PRKN: variants seen among roughly 807,000 people sequenced by gnomAD.
PRKN encodes the protein parkin RBR E3 ubiquitin protein ligase, also known as E3 ubiquitin-protein ligase parkin.
In PRKN, 56 loss-of-function variants were observed where a neutral mutation model predicts 59.5. The observed-to-expected ratio is 0.94, with a 90% confidence interval of 0.76 to 1.18. The LOEUF is 1.18. Ranked by LOEUF, PRKN falls within the 50% of genes most tolerant of loss-of-function variation. The probability of loss-of-function intolerance (pLI) is 0.00; values close to 1 mark genes in which losing one functional copy is unlikely to be tolerated. For synonymous variants in PRKN, 250 were observed against 222.1 expected, an observed-to-expected ratio of 1.13 and a Z score of -1.12; for missense variants, 657 against 596.4, an observed-to-expected ratio of 1.10 and a Z score of -1.06.
At chr6:162,577,674 A>C (rs2128210386) in intron 1 of PRKN, among the ~76,000 whole-genome samples, 1 of 152,270 alleles carries the variant, frequency 6.6e-6, no homozygotes, top group South Asian at 2.1e-4. Context: ...CTCACCTATA[A>C]TCCCAGCACT....
At chr6:161,643,872 C>G (rs1484552106) in intron 7 of PRKN, among the ~76,000 whole-genome samples, 2 of 152,122 alleles carry the variant, frequency 1.3e-5, no homozygotes, top group African/African-American at 4.8e-5. Context: ...GCATAAAGTA[C>G]TTTCTCCAGT....
At chr6:162,584,735 T>C (rs1195827795) in intron 1 of PRKN, among the ~76,000 whole-genome samples, 1 of 150,800 alleles carries the variant, frequency 6.6e-6, no homozygotes, top group Non-Finnish European at 1.5e-5. Flanking sequence ...ATTCAACAAA[T>C]ACCTTTCTGG....
rs1782800099 is a variant in PRKN, at chr6:162,624,348, C to T, written c.7+103314G>A. The T allele has an allele frequency of 3.3e-5, 5 of 151,726 alleles. No individual in the cohort carries two copies. In the South Asian group the frequency reaches 8.3e-4, roughly 25 times the overall value. 9.4% of individuals were successfully genotyped at this position (151,726 alleles called of 1,614,324 possible). The stretch of plus-strand genomic sequence containing the variant: ...TATTTAAAATTTACAAGTATAGATA[C>T]ATTTTTCATGAATATTTATTAAAAA... On this transcript the variant is annotated intron_variant, in intron 1 of 11. Coordinates refer to ENST00000366898, the MANE Select transcript of PRKN (RefSeq NM_004562.3).
At chr6:162,341,357 C>T (rs1308056958) in intron 2 of PRKN, among the ~76,000 whole-genome samples, 2 of 152,096 alleles carry the variant, frequency 1.3e-5, no homozygotes, top group African/African-American at 2.4e-5. Flanking sequence ...GGTGATTCCT[C>T]AAGGATCCAG....
chr6:162,019,641 G>A (rs1251047400), intron 5 of PRKN, among the ~76,000 whole-genome samples: 2 of 152,188 alleles, frequency 1.3e-5, no homozygotes, highest in Non-Finnish European at 2.9e-5. Context: ...AACACTTGGG[G>A]AGTCCTTGGT....
At chr6:162,465,786 C>T (rs997106940) in intron 1 of PRKN, among the ~76,000 whole-genome samples, 1 of 152,094 alleles carries the variant, frequency 6.6e-6, no homozygotes, top group Non-Finnish European at 1.5e-5. Context: ...TGGCTAAATT[C>T]TTTGATAGGT....
chr6:161,757,871 C>CTCTCTCTG lies in PRKN; in HGVS notation c.871+27900_871+27901insCAGAGAGA, dbSNP rs1380898753. On this transcript the variant is annotated intron_variant, in intron 7 of 11. Coordinates refer to ENST00000366898, the MANE Select transcript of PRKN (RefSeq NM_004562.3). ...TCTCTCTCTCTCTCTCTCTCTCTCTCTGTGTATATATATATACACACACAC... is the reference window on the plus strand; with the variant it reads ...TCTCTCTCTCTCTCTCTCTCTCTCTCTCTCTCTGTGTGTATATATATATACACACACAC... Among the ~76,000 whole-genome samples the CTCTCTCTG allele has an allele frequency of 2.6e-4, 25 of 97,966 alleles. 1 individual carries two copies. The highest frequency in any genetic ancestry group is 9.8e-4 in the African/African-American group (22 of 22,342). The allele number at this position is 97,966 out of a possible 152,430, so 64.3% of individuals were successfully genotyped here. A position where few individuals can be genotyped will look rare whatever the true frequency, so the allele number is the denominator to read the frequency against.
chr6:162,103,714 T>C (rs115163505), intron 4 of PRKN, among the ~76,000 whole-genome samples: 4,151 of 151,968 alleles, frequency 0.027, 199 homozygotes, highest in African/African-American at 0.096. Context: ...GCCAGGGCAG[T>C]GGGCCTTCTG....
At chr6:161,574,116 G>A (rs952320966) in intron 7 of PRKN, among the ~76,000 whole-genome samples, 2 of 151,906 alleles carry the variant, frequency 1.3e-5, no homozygotes, top group South Asian at 2.1e-4. Context: ...GCTGGAAGGC[G>A]GCAAGATATT....
intron 2 of PRKN, among the ~76,000 whole-genome samples, chr6:162,440,851 T>C (rs1420949300): frequency 6.6e-6 from 1 of 152,020 alleles, no homozygotes; most frequent in Non-Finnish European, 1.5e-5. Flanking sequence ...CTAAATGATA[T>C]TGACTAAATA....
At chr6:161,660,177 C>A (rs370595526) in intron 7 of PRKN, among the ~76,000 whole-genome samples, 1 of 152,088 alleles carries the variant, frequency 6.6e-6, no homozygotes, top group East Asian at 1.9e-4. Flanking sequence ...CGGATGGAGG[C>A]CATGGCTCTG....
chr6:161,361,969 C>A lies in PRKN; in HGVS notation c.1168-1764G>T, dbSNP rs1293690192. Among the ~76,000 whole-genome samples the A allele has an allele frequency of 1.3e-5, 2 of 152,024 alleles. No individual in the cohort carries two copies. Among genetic ancestry groups the A allele is most frequent in the Admixed American group, 1.3e-4 (2 of 15,256 alleles). Reference sequence around the variant, plus strand: ...TCAGTGACACGTGGCAAACACCCATCCCCCCACCGACCTGCACCCCAACGC... The same window carrying A: ...TCAGTGACACGTGGCAAACACCCATACCCCCACCGACCTGCACCCCAACGC... On this transcript the variant is annotated intron_variant, in intron 10 of 11. Coordinates refer to ENST00000366898, the MANE Select transcript of PRKN (RefSeq NM_004562.3). This position sits in a 1 kb window ranked among gnomAD's most constrained non-coding sequence, Gnocchi z 5.2.
At chr6:162,142,071 A>C (rs1267998256) in intron 4 of PRKN, among the ~76,000 whole-genome samples, 1 of 152,236 alleles carries the variant, frequency 6.6e-6, no homozygotes, top group African/African-American at 2.4e-5. Context: ...TAAGCTGCTT[A>C]AAAGATTTTA....
At chr6:162,232,762 C>A (rs1367802349) in intron 3 of PRKN, among the ~76,000 whole-genome samples, 1 of 152,084 alleles carries the variant, frequency 6.6e-6, no homozygotes, top group East Asian at 1.9e-4. Context: ...GAAAAAAAAT[C>A]CCGCCAAGAC....
rs1201273871 is a variant in PRKN, at chr6:161,579,142, G to A, written c.872-9726C>T. 6.6e-6 allele frequency among the ~76,000 whole-genome samples: 1 copy of A among 152,232 alleles called. No homozygotes were observed. Among genetic ancestry groups the A allele is most frequent in the African/African-American group, 2.4e-5 (1 of 41,468 alleles). ...TGGTTGACATCAGAGAAAGGAAAGG[G>A]AGGAAGTGAAGGAGATGGAATTTTG... is the stretch of plus-strand genomic sequence containing the variant. On this transcript the variant is annotated intron_variant, in intron 7 of 11. Transcript: ENST00000366898. The surrounding 1 kb of genome is among the most constrained non-coding windows in gnomAD (Gnocchi z 4.2).
At chr6:162,622,701 T>C (rs1782725321) in intron 1 of PRKN, among the ~76,000 whole-genome samples, 1 of 152,194 alleles carries the variant, frequency 6.6e-6, no homozygotes, top group Non-Finnish European at 1.5e-5. Context: ...ATTCATATTG[T>C]TTCATCTGCA....
intron 7 of PRKN, among the ~76,000 whole-genome samples, chr6:161,625,373 T>C (rs933964862): frequency 8.2e-6 from 1 of 122,566 alleles, no homozygotes; most frequent in Non-Finnish European, 1.6e-5. Context: ...TGAGAACATA[T>C]GGACAGAGGA....
intron 4 of PRKN, among the ~76,000 whole-genome samples, chr6:162,084,985 A>C (rs1779195462): frequency 6.6e-6 from 1 of 151,750 alleles, no homozygotes; most frequent in Non-Finnish European, 1.5e-5. Flanking sequence ...AAAAGGTTAA[A>C]GTGACATGTT....
At chr6:162,202,917 C>G (rs1326164246) in intron 3 of PRKN, among the ~76,000 whole-genome samples, 1 of 152,042 alleles carries the variant, frequency 6.6e-6, no homozygotes, top group African/African-American at 2.4e-5. Context: ...TTATCAGCAA[C>G]AGGAACAAAT....
Sources: gnomAD v4.1 joint callset for allele counts (sites outside exome capture counted in the v4.1 genomes callset) on GRCh38, gnomAD v4.1.1 for gene constraint, Gnocchi (gnomAD v3.1) non-coding constraint, MANE v1.5 for transcripts, NCBI Gene and HGNC (gene_info 2026-07-23, HGNC 2026-07-21) for gene names.